GPR155: variants seen among roughly 807,000 people sequenced by gnomAD.
The protein encoded by GPR155 is G protein-coupled receptor 155.
Under a neutral mutation model 93.1 loss-of-function variants are expected in GPR155, and 65 were observed. The observed-to-expected ratio is 0.70, with a 90% CI of 0.57 to 0.86. The LOEUF (loss-of-function observed/expected upper bound fraction) is 0.86, where lower values mean the gene tolerates loss of function less well. Ranked by LOEUF, GPR155 falls within the 40% of genes least tolerant of loss-of-function variation. The probability of loss-of-function intolerance (pLI) is 0.00; values close to 1 mark genes in which losing one functional copy is unlikely to be tolerated. For missense variants in GPR155, 838 were observed against 1,034.8 expected (o/e 0.81, Z 2.61); for synonymous variants, 319 against 360.1 (o/e 0.89, Z 1.29).
chr2:174,463,872 G>A (rs2105713057), intron 7 of GPR155, among the ~76,000 whole-genome samples: 1 of 152,306 alleles, frequency 6.6e-6, no homozygotes, highest in South Asian at 2.1e-4. Context: ...AAATAACACT[G>A]TGCTAGATTT....
At chr2:174,482,039 T>G in intron 1 of GPR155, 52 bp from the exon 2 acceptor site, 1 of 904,228 alleles carries the variant, frequency 1.1e-6, no homozygotes, top group South Asian at 1.6e-5. Context: ...GAATTCTAGT[T>G]GAAATAATAC....
intron 15 of GPR155, among the ~76,000 whole-genome samples, chr2:174,437,703 G>A (rs1252259856): frequency 6.7e-6 from 1 of 150,168 alleles, no homozygotes; most frequent in Non-Finnish European, 1.5e-5. Context: ...TCTTGCCTCA[G>A]CCTCCCGAGT....
At chr2:174,470,590 T>A (rs749314281) in intron 3 of GPR155, 35 bp from the exon 4 acceptor site, 18 of 1,595,472 alleles carry the variant, frequency 1.1e-5, no homozygotes, top group Non-Finnish European at 1.5e-5. Context: ...TTACCTGATA[T>A]CAAAGCATGG....
intron 10 of GPR155, among the ~76,000 whole-genome samples, chr2:174,458,902 A>G (rs551971428): frequency 9.2e-5 from 14 of 152,186 alleles, no homozygotes; most frequent in Non-Finnish European, 1.9e-4. Flanking sequence ...AGCCTGACCA[A>G]TATGGTGAAA....
chr2:174,486,251 C>A (rs957993099), intron 1 of GPR155, among the ~76,000 whole-genome samples: 5 of 152,166 alleles, frequency 3.3e-5, no homozygotes, highest in African/African-American at 1.2e-4. Context: ...CTCCTTGCCT[C>A]GTCTGCAGGG....
chr2:174,443,008 T>G (rs1207855402), intron 13 of GPR155, among the ~76,000 whole-genome samples: 1 of 152,198 alleles, frequency 6.6e-6, no homozygotes, highest in Non-Finnish European at 1.5e-5. Flanking sequence ...GACACAGCCC[T>G]ATGGAATGAA....
In GPR155 at chr2:174,431,909, C is replaced by A. The variant is rs1390576565; in HGVS notation, c.*4207G>T. The A allele has an allele frequency of 6.6e-6, 1 of 152,150 alleles. No individual in the cohort carries two copies. The highest frequency in any genetic ancestry group is 1.5e-5 in the Non-Finnish European group (1 of 68,022). The allele number at this position is 152,150 out of a possible 1,614,324, so 9.4% of individuals were successfully genotyped here. A position where few individuals can be genotyped will look rare whatever the true frequency, so the allele number is the denominator to read the frequency against. ...AAAAATATTGAAAGCTAAGCACAAG[C>A]TAGGCATGGAGTTACTCATTGAGAG... On this transcript the variant is annotated 3_prime_UTR_variant, in exon 16 of 16. Coordinates refer to ENST00000392552, the MANE Select transcript of GPR155 (RefSeq NM_152529.7).
At chr2:174,442,514 G>A (rs1018703726) in intron 13 of GPR155, among the ~76,000 whole-genome samples, 2 of 152,180 alleles carry the variant, frequency 1.3e-5, no homozygotes, top group Admixed American at 1.3e-4. Context: ...CTGTGCGTAA[G>A]TATTTATTAT....
At position 174,436,074 on chromosome 2, in the gene GPR155, C is replaced by T. The variant is rs370084901; in HGVS notation, c.*42G>A. On this transcript the variant is annotated 3_prime_UTR_variant, in exon 16 of 16. Transcript: ENST00000392552. ...ACCCAGCTAAAAACTAATGAATACG[C>T]GGCTAGAATATGATTCCATGTAGGG... 35 of 1,532,660 alleles carry T rather than the reference C, an allele frequency of 2.3e-5. 1 individual carries two copies. The highest frequency in any genetic ancestry group is 1.8e-4 in the Middle Eastern group (1 of 5,646). The allele number at this position is 1,532,660 out of a possible 1,614,324, so 94.9% of individuals were successfully genotyped here.
intron 2 of GPR155, 38 bp downstream of exon 2, chr2:174,481,459 G>A: frequency 1.6e-6 from 2 of 1,269,234 alleles, no homozygotes; most frequent in Non-Finnish European, 2.2e-6. Flanking sequence ...AATTAAAATT[G>A]AATTTTTTAA....
intron 14 of GPR155, among the ~76,000 whole-genome samples, chr2:174,440,897 C>T (rs10930666): frequency 0.25 from 37,835 of 152,056 alleles, 5,645 homozygotes; most frequent in Middle Eastern, 0.47. Flanking sequence ...TTGAGTTTTC[C>T]GTAAGCTGTC....
chr2:174,446,858 A>C, intron 11 of GPR155, 111 bp from the exon 12 acceptor site: 1 of 945,456 alleles, frequency 1.1e-6, no homozygotes. Flanking sequence ...TCAGCTAAGA[A>C]TCAGTATATT....
At chr2:174,472,808 A>G (rs1688033836) in intron 3 of GPR155, among the ~76,000 whole-genome samples, 157 bp downstream of exon 3, 1 of 152,242 alleles carries the variant, frequency 6.6e-6, no homozygotes, top group Non-Finnish European at 1.5e-5. Context: ...ATGACTTTCC[A>G]CAATACACCA....
In GPR155 at chr2:174,481,757, G is replaced by T. The variant is rs759745638; in HGVS notation, c.200C>A (p.Ser67Ter). The change falls in exon 2 of 16, where the codon TCA becomes TAA. Residue 67 changes from serine (S) to a stop codon, truncating the protein, a stop_gained. Coordinates refer to ENST00000392552, the MANE Select transcript of GPR155 (RefSeq NM_152529.7). LOFTEE classifies it high-confidence loss of function. ...YIAGRANVIT[S>*]TQAKGLGNFV... ...ATTTCCTAGTCCTTTGGCCTGGGTTGATGTTATGACATTGGCCCTTCCTGC... is the reference window on the plus strand; with the variant it reads ...ATTTCCTAGTCCTTTGGCCTGGGTTTATGTTATGACATTGGCCCTTCCTGC... The T allele has an allele frequency of 3.7e-6, 6 of 1,614,154 alleles. No individual in the cohort carries two copies. The highest frequency in any genetic ancestry group is 5.1e-6 in the Non-Finnish European group (6 of 1,179,974).
At chr2:174,467,935 C>T (rs375749358) in intron 5 of GPR155, among the ~76,000 whole-genome samples, 103 of 152,224 alleles carry the variant, frequency 6.8e-4, no homozygotes, top group African/African-American at 2.3e-3. Context: ...GGGGATTCTC[C>T]ATGTTGGCCA....
At chr2:174,441,487 GTTTGTTACATA>G (rs1686958381) in intron 14 of GPR155, among the ~76,000 whole-genome samples, 2 of 151,608 alleles carry the variant, frequency 1.3e-5, no homozygotes, top group South Asian at 4.2e-4. Flanking sequence ...AAACATGCAG[GTTTGTTACATA>G]TGTATACATG....
intron 11 of GPR155, 152 bp from the exon 12 acceptor site, chr2:174,446,899 C>T: frequency 1.4e-6 from 1 of 704,018 alleles, no homozygotes; most frequent in East Asian, 2.7e-5. Flanking sequence ...AAAGCTCCTT[C>T]ATGTTGCTTT....
chr2:174,438,391 G>A (rs975673090), intron 15 of GPR155, among the ~76,000 whole-genome samples: 5 of 152,232 alleles, frequency 3.3e-5, no homozygotes, highest in Non-Finnish European at 7.3e-5. Context: ...CAGACTGGCA[G>A]CCCTGCAAAT....
chr2:174,435,162 A>G lies in GPR155; in HGVS notation c.*954T>C, dbSNP rs912047507. 2.0e-5 allele frequency: 3 copies of G among 152,246 alleles called. No individual in the cohort carries two copies. Among genetic ancestry groups the G allele is most frequent in the Non-Finnish European group, 4.4e-5 (3 of 68,046 alleles). The allele number at this position is 152,246 out of a possible 1,614,324, so 9.4% of individuals were successfully genotyped here. ...TAAACAGTTGCAGAAAGCAATGATT[A>G]TATAATGTTGGCATATTCGTATTAT... On this transcript the variant is annotated 3_prime_UTR_variant, in exon 16 of 16. Coordinates refer to ENST00000392552, the MANE Select transcript of GPR155 (RefSeq NM_152529.7).
Sources: gnomAD v4.1 joint callset for allele counts (sites outside exome capture counted in the v4.1 genomes callset) on GRCh38, gnomAD v4.1.1 for gene constraint, MANE v1.5 for transcripts, NCBI Gene and HGNC (gene_info 2026-07-23, HGNC 2026-07-21) for gene names.